The following THRB variants were observed in gnomAD, a reference collection of about 807,000 sequenced individuals.
The protein encoded by THRB is thyroid hormone receptor beta, also known as nuclear receptor subfamily 1 group A member 2.
THRB carries 12 observed loss-of-function variants against 47.8 expected under a neutral mutation model. That is an observed-to-expected ratio of 0.25 (90% confidence interval 0.16 to 0.41). The LOEUF (loss-of-function observed/expected upper bound fraction) is 0.41. Ranked by LOEUF, THRB falls within the 10% of genes least tolerant of loss-of-function variation. THRB has a pLI of 1.00. For missense variants in THRB, 348 were observed against 589.2 expected (o/e 0.59, Z 4.24); for synonymous variants, 218 against 212.2 (o/e 1.03, Z -0.24).
At chr3:24,250,239 C>A (rs562803985) in intron 3 of THRB, among the ~76,000 whole-genome samples, 3 of 152,306 alleles carry the variant, frequency 2.0e-5, no homozygotes, top group East Asian at 3.9e-4. Flanking sequence ...GTCACCAATT[C>A]CCTGTACCCC....
chr3:24,193,833 C>T (rs1314419329), intron 4 of THRB, among the ~76,000 whole-genome samples: 5 of 152,170 alleles, frequency 3.3e-5, no homozygotes, highest in Admixed American at 1.3e-4. Flanking sequence ...ATGTTTATAA[C>T]AGCACAAATT....
At chr3:24,417,800 A>G (rs548431633) in intron 1 of THRB, among the ~76,000 whole-genome samples, 1 of 151,972 alleles carries the variant, frequency 6.6e-6, no homozygotes, top group South Asian at 2.1e-4. Flanking sequence ...CTTAATTCTC[A>G]TCACCACTTG....
In THRB at chr3:24,208,018, G is replaced by T. The variant is rs190777174; in HGVS notation, c.23-17684C>A. Among the ~76,000 whole-genome samples, 20 of 152,266 alleles carry T rather than the reference G, an allele frequency of 1.3e-4. No individual in the cohort carries two copies. In the East Asian group the frequency reaches 3.9e-3, roughly 29 times the overall value. On this transcript the variant is annotated intron_variant, in intron 4 of 10. Transcript: ENST00000646209. ...CAAAGCCTCAGGACACAAAATCAATGTGCAAAAATCACAAGCATTCCTATA... is the reference window on the plus strand; with the variant it reads ...CAAAGCCTCAGGACACAAAATCAATTTGCAAAAATCACAAGCATTCCTATA...
chr3:24,176,667 C>G (rs2041196513), intron 5 of THRB, among the ~76,000 whole-genome samples: 1 of 152,092 alleles, frequency 6.6e-6, no homozygotes. Flanking sequence ...ATCTCAAAAA[C>G]AGTATACTAA....
chr3:24,285,216 AT>A (rs923342535), intron 3 of THRB, among the ~76,000 whole-genome samples: 2 of 148,994 alleles, frequency 1.3e-5, no homozygotes, highest in African/African-American at 5.2e-5. Flanking sequence ...GATTAAGAAA[AT>A]GTGGCACATA....
intron 2 of THRB, among the ~76,000 whole-genome samples, chr3:24,301,905 A>G (rs2056970040): frequency 6.6e-6 from 1 of 152,140 alleles, no homozygotes; most frequent in Admixed American, 6.5e-5. Flanking sequence ...GTTGACTTTG[A>G]AGATGGAGGA....
chr3:24,373,079 T>C (rs2065033810), intron 1 of THRB, among the ~76,000 whole-genome samples: 1 of 152,082 alleles, frequency 6.6e-6, no homozygotes, highest in Admixed American at 6.6e-5. Flanking sequence ...AAACCCTTTG[T>C]ATTCCACTGT....
intron 1 of THRB, among the ~76,000 whole-genome samples, chr3:24,491,087 T>A (rs1407798554): frequency 6.6e-6 from 1 of 152,220 alleles, no homozygotes; most frequent in Non-Finnish European, 1.5e-5. Flanking sequence ...CTTACAAGTT[T>A]AATGCATGCC....
At chr3:24,431,059 G>A (rs1430494745) in intron 1 of THRB, 4 of 152,070 alleles carry the variant, frequency 2.6e-5, no homozygotes, top group African/African-American at 4.8e-5. Context: ...GGTTACCTGC[G>A]TACCAGTCAT....
At chr3:24,434,635 T>G (rs1370889001) in intron 1 of THRB, among the ~76,000 whole-genome samples, 1 of 152,192 alleles carries the variant, frequency 6.6e-6, no homozygotes, top group Non-Finnish European at 1.5e-5. Flanking sequence ...CAGACAGCAC[T>G]CAGTTGACAT....
chr3:24,372,186 T>C (rs2064969148), intron 1 of THRB, among the ~76,000 whole-genome samples: 1 of 152,048 alleles, frequency 6.6e-6, no homozygotes, highest in Non-Finnish European at 1.5e-5. Context: ...TTCAAATCAT[T>C]CTACAATGGT....
chr3:24,166,805 A>G (rs1164149649), intron 5 of THRB, among the ~76,000 whole-genome samples: 2 of 152,130 alleles, frequency 1.3e-5, no homozygotes, highest in African/African-American at 4.8e-5. Context: ...ACCATCAACA[A>G]TGTAATACTG....
intron 1 of THRB, among the ~76,000 whole-genome samples, chr3:24,492,875 A>G (rs1181236029): frequency 6.6e-6 from 1 of 152,208 alleles, no homozygotes; most frequent in Non-Finnish European, 1.5e-5. Context: ...ACTTTAAAAA[A>G]CCAGTTCTGT....
intron 1 of THRB, among the ~76,000 whole-genome samples, chr3:24,373,724 A>C (rs1263750545): frequency 6.6e-6 from 1 of 152,134 alleles, no homozygotes; most frequent in African/African-American, 2.4e-5. Flanking sequence ...GTACTTCTAT[A>C]CTTGAGTCCT....
At chr3:24,295,093 C>A (rs1379009711) in intron 3 of THRB, among the ~76,000 whole-genome samples, 2 of 152,176 alleles carry the variant, frequency 1.3e-5, no homozygotes, top group East Asian at 1.9e-4. Flanking sequence ...TGTCCTAGGT[C>A]TGAAAACTCA....
intron 1 of THRB, among the ~76,000 whole-genome samples, chr3:24,379,971 T>C (rs956504871): frequency 9.2e-5 from 14 of 151,658 alleles, no homozygotes; most frequent in Admixed American, 9.2e-4. Flanking sequence ...TTCTTCCTTT[T>C]TGGTATTCTG....
chr3:24,308,191 A>G (rs1211105375), intron 2 of THRB, among the ~76,000 whole-genome samples: 2 of 152,218 alleles, frequency 1.3e-5, no homozygotes, highest in Non-Finnish European at 2.9e-5. Context: ...AGAAAAAAAT[A>G]AAAATTAAAA....
chr3:24,371,005 T>G (rs1410612256), intron 1 of THRB, among the ~76,000 whole-genome samples: 2 of 152,170 alleles, frequency 1.3e-5, no homozygotes, highest in Admixed American at 6.6e-5. Flanking sequence ...CCCCATTTTA[T>G]GGATGAAGAA....
At chr3:24,383,914 T>C (rs1274199576) in intron 1 of THRB, among the ~76,000 whole-genome samples, 1 of 152,168 alleles carries the variant, frequency 6.6e-6, no homozygotes, top group African/African-American at 2.4e-5. Context: ...CTTTTCTTGA[T>C]GGAACTACTA....
Sources: allele counts gnomAD v4.1 joint callset (sites outside exome capture counted in the v4.1 genomes callset), GRCh38; gene constraint gnomAD v4.1.1; transcripts MANE v1.5; gene names NCBI Gene and HGNC (gene_info 2026-07-23, HGNC 2026-07-21).